The following FCHO2 variants were observed in gnomAD, a reference collection of about 807,000 sequenced individuals.
The protein encoded by FCHO2 is F-BAR domain only protein 2.
In FCHO2, 43 loss-of-function variants were observed where a neutral mutation model predicts 114.1. The ratio of observed to expected loss-of-function variants is 0.38; its 90% CI spans 0.30 to 0.49. The LOEUF (loss-of-function observed/expected upper bound fraction) is 0.49. FCHO2 is among the 20% of genes least tolerant of loss of function. The probability of loss-of-function intolerance (pLI) is 0.97; values close to 1 mark genes in which losing one functional copy is unlikely to be tolerated. For missense variants in FCHO2, 807 were observed against 950.4 expected (o/e 0.85, Z 1.98); for synonymous variants, 293 against 315.2 (o/e 0.93, Z 0.75).
In FCHO2 at chr5:73,004,047, C is replaced by CAAAAAAA. The variant is rs34849736; in HGVS notation, c.496-2378_496-2372dup. Among the ~76,000 whole-genome samples, 2 of 26,498 alleles carry CAAAAAAA rather than the reference C, an allele frequency of 7.5e-5. 1 individual carries two copies. Among genetic ancestry groups the CAAAAAAA allele is most frequent in the African/African-American group, 2.9e-4 (2 of 6,934 alleles). 17.4% of individuals were successfully genotyped at this position (26,498 alleles called of 152,430 possible). ...TGGGCCACAGAGTGAGACTCCATCT[C>CAAAAAAA]AAAAAAAAAAAAAAAAAAAAAAAAA... On this transcript the variant is annotated intron_variant, in intron 5 of 25. Coordinates refer to ENST00000430046, the MANE Select transcript of FCHO2 (RefSeq NM_138782.3).
chr5:73,010,583 G>A (rs951157452), intron 6 of FCHO2, among the ~76,000 whole-genome samples: 1 of 151,936 alleles, frequency 6.6e-6, no homozygotes, highest in Non-Finnish European at 1.5e-5. Flanking sequence ...ATCATAGAAT[G>A]TACTTATGCC....
At chr5:73,051,485 G>A (rs1040575720) in intron 12 of FCHO2, 79 bp downstream of exon 12, 1 of 809,630 alleles carries the variant, frequency 1.2e-6, no homozygotes, top group Non-Finnish European at 1.9e-6. Context: ...ATGTATTAAA[G>A]CCTCTTCCAA....
At chr5:73,050,517 C>T (rs539528524) in intron 11 of FCHO2, among the ~76,000 whole-genome samples, 76 of 152,076 alleles carry the variant, frequency 5.0e-4, no homozygotes, top group African/African-American at 1.7e-3. Context: ...TGGAGTTTCA[C>T]CATTTTGGCC....
At chr5:73,022,207 G>A (rs1016011144) in intron 8 of FCHO2, among the ~76,000 whole-genome samples, 5 of 152,114 alleles carry the variant, frequency 3.3e-5, no homozygotes, top group Non-Finnish European at 7.3e-5. Flanking sequence ...ACTGATGAAC[G>A]ATAACCTTTT....
chr5:72,982,977 G>A (rs1428866858), intron 2 of FCHO2, among the ~76,000 whole-genome samples: 2 of 150,880 alleles, frequency 1.3e-5, no homozygotes, highest in East Asian at 2.0e-4. Flanking sequence ...GCAGTGGCGC[G>A]ATCTCTGCTC....
At chr5:72,968,724 T>A (rs1752340621) in intron 2 of FCHO2, 135 bp downstream of exon 2, 1 of 605,548 alleles carries the variant, frequency 1.7e-6, no homozygotes, top group African/African-American at 2.0e-5. Context: ...TAATTATATC[T>A]ATCTATTTGT....
chr5:73,009,560 A>G (rs1409871436), intron 6 of FCHO2, among the ~76,000 whole-genome samples: 1 of 152,082 alleles, frequency 6.6e-6, no homozygotes, highest in Non-Finnish European at 1.5e-5. Flanking sequence ...TTTTTGAGAC[A>G]GGGTCTCACT....
chr5:73,037,074 G>A, intron 9 of FCHO2, 69 bp from the exon 10 acceptor site: 2 of 1,064,618 alleles, frequency 1.9e-6, no homozygotes, highest in Non-Finnish European at 2.7e-6. Flanking sequence ...GATGCAAGAT[G>A]TATCCATAAG....
intron 10 of FCHO2, among the ~76,000 whole-genome samples, chr5:73,039,607 T>G (rs1192469772): frequency 1.3e-5 from 2 of 152,170 alleles, no homozygotes; most frequent in Non-Finnish European, 2.9e-5. Flanking sequence ...AAATGTGCAA[T>G]TTTAAATGAC....
chr5:73,043,673 C>G (rs1236015022), intron 11 of FCHO2, among the ~76,000 whole-genome samples: 1 of 151,958 alleles, frequency 6.6e-6, no homozygotes, highest in Non-Finnish European at 1.5e-5. Flanking sequence ...TCTGTGTCTG[C>G]TGATATGGAA....
intron 19 of FCHO2, among the ~76,000 whole-genome samples, chr5:73,069,104 TTA>T (rs1233256867): frequency 1.3e-5 from 2 of 152,106 alleles, no homozygotes. Context: ...CTAAGAAAGT[TTA>T]TGTTTTAAAA....
intron 19 of FCHO2, among the ~76,000 whole-genome samples, chr5:73,072,965 G>A (rs1460768975): frequency 6.6e-6 from 1 of 151,986 alleles, no homozygotes; most frequent in African/African-American, 2.4e-5. Flanking sequence ...CAGAAAATAT[G>A]TTTTCCTGAA....
At chr5:73,015,784 T>A in intron 7 of FCHO2, 60 bp downstream of exon 7, 1 of 1,002,618 alleles carries the variant, frequency 1.0e-6, no homozygotes, top group Non-Finnish European at 1.4e-6. Context: ...TATAGCTCTT[T>A]AAAAATATTT....
chr5:73,052,300 A>G (rs2112837193), intron 12 of FCHO2, 32 bp from the exon 13 acceptor site: 2 of 1,561,116 alleles, frequency 1.3e-6, no homozygotes, highest in East Asian at 2.3e-5. Flanking sequence ...CGTCTAAGGT[A>G]ATTTAAAAAC....
chr5:73,023,225 A>G (rs570598548), intron 8 of FCHO2, among the ~76,000 whole-genome samples: 47 of 152,368 alleles, frequency 3.1e-4, no homozygotes, highest in Middle Eastern at 3.4e-3. Context: ...TAGAACTACA[A>G]TAGGTTGTAT....
chr5:73,057,141 C>A (rs1046411272), intron 16 of FCHO2, among the ~76,000 whole-genome samples: 1 of 150,522 alleles, frequency 6.6e-6, no homozygotes, highest in South Asian at 2.1e-4. Flanking sequence ...TGCTATATTT[C>A]CCAGGCTGGT....
chr5:73,076,203 C>A (rs971108460), intron 20 of FCHO2, among the ~76,000 whole-genome samples: 7 of 152,040 alleles, frequency 4.6e-5, no homozygotes, highest in African/African-American at 1.7e-4. Flanking sequence ...GAAAAATTGA[C>A]CATTGACAAT....
At chr5:73,025,296 C>T (rs959650124) in intron 8 of FCHO2, among the ~76,000 whole-genome samples, 1 of 151,932 alleles carries the variant, frequency 6.6e-6, no homozygotes, top group African/African-American at 2.4e-5. Context: ...GCAGTCTCTG[C>T]CTCCCGAGTT....
At chr5:73,045,089 G>A (rs954429740) in intron 11 of FCHO2, among the ~76,000 whole-genome samples, 1 of 152,114 alleles carries the variant, frequency 6.6e-6, no homozygotes, top group Non-Finnish European at 1.5e-5. Flanking sequence ...TGCAAAGATG[G>A]TGTATGTAAC....
Sources: allele counts gnomAD v4.1 joint callset (sites outside exome capture counted in the v4.1 genomes callset), GRCh38; gene constraint gnomAD v4.1.1; transcripts MANE v1.5; gene names NCBI Gene and HGNC (gene_info 2026-07-23, HGNC 2026-07-21).